KALRN: variants seen among roughly 807,000 people sequenced by gnomAD.
The protein encoded by KALRN is kalirin RhoGEF kinase.
KALRN carries 70 observed loss-of-function variants against 353.7 expected under a neutral mutation model. That is an observed-to-expected ratio of 0.20 (90% CI 0.16 to 0.24). KALRN has a LOEUF of 0.24. KALRN is among the 10% of genes least tolerant of loss of function. The pLI, the probability that KALRN is intolerant of heterozygous loss-of-function variation, is 1.00. For missense variants in KALRN, 2,791 were observed against 3,756.7 expected (o/e 0.74, Z 6.72); for synonymous variants, 1,391 against 1,434.8 (o/e 0.97, Z 0.69).
At chr3:124,332,829 G>A (rs2080732171) in intron 8 of KALRN, among the ~76,000 whole-genome samples, 1 of 152,110 alleles carries the variant, frequency 6.6e-6, no homozygotes, top group African/African-American at 2.4e-5. Context: ...CGAGAGCAAA[G>A]TATTTTAAAA....
chr3:124,091,142 G>A (rs75281265), intron 1 of KALRN, among the ~76,000 whole-genome samples: 3,203 of 152,320 alleles, frequency 0.021, 109 homozygotes, highest in African/African-American at 0.071. Flanking sequence ...TGGTGTGGGA[G>A]GTGACTGAGG....
At position 124,289,232 on chromosome 3, in the gene KALRN, C is replaced by T. The variant is rs182494488; in HGVS notation, c.970-9559C>T. On this transcript the variant is annotated intron_variant, in intron 5 of 59. Coordinates refer to ENST00000682506, the MANE Select transcript of KALRN (RefSeq NM_001388419.1). ...CTAATCCTAATTACCTCCCAAAGGC[C>T]TCCCCTCTAAATGCCATCAACATAT... Among the ~76,000 whole-genome samples, 4 of 152,244 alleles carry T rather than the reference C, an allele frequency of 2.6e-5. No homozygotes were observed. In the East Asian group the frequency reaches 7.7e-4, roughly 29 times the overall value.
At chr3:124,171,125 C>G (rs904122096) in intron 1 of KALRN, among the ~76,000 whole-genome samples, 3 of 152,064 alleles carry the variant, frequency 2.0e-5, no homozygotes, top group Non-Finnish European at 2.9e-5. Context: ...CCCATTTCTA[C>G]ATTCTTTATG....
chr3:124,517,429 G>A (rs1005276861), intron 33 of KALRN, among the ~76,000 whole-genome samples: 2 of 152,146 alleles, frequency 1.3e-5, no homozygotes, highest in African/African-American at 4.8e-5. Context: ...TTCACATCAT[G>A]GAGCTGAGCC....
At chr3:124,368,910 C>T (rs145544484) in intron 10 of KALRN, among the ~76,000 whole-genome samples, 5,018 of 152,138 alleles carry the variant, frequency 0.033, 214 homozygotes, top group African/African-American at 0.1. Flanking sequence ...ACCAGTCAGG[C>T]GTGGTGGCGC....
At chr3:124,593,828 T>C (rs1325238575) in intron 34 of KALRN, among the ~76,000 whole-genome samples, 1 of 152,234 alleles carries the variant, frequency 6.6e-6, no homozygotes, top group African/African-American at 2.4e-5. Flanking sequence ...AAGATTACTT[T>C]GCTTTTATTT....
chr3:124,299,001 C>G (rs1209934391), intron 6 of KALRN, 88 bp downstream of exon 6: 37 of 1,525,352 alleles, frequency 2.4e-5, no homozygotes, highest in Non-Finnish European at 3.2e-5. Flanking sequence ...ACTTTCCACC[C>G]GAGGAAGAAC....
Position 124,329,982 on chromosome 3 carries a change from C to G in KALRN, c.1406C>G (p.Ala469Gly). Residue 469 changes from alanine (A) to glycine (G), a missense_variant, in exon 8 of 60, where the codon GCC becomes GGC. Transcript: ENST00000682506. Reference sequence around the variant, plus strand: ...ACCTTGTATGAGCAGGTGACCCAAGCCTACACAGAGGTGAGAATGGAGCAG... The same window carrying G: ...ACCTTGTATGAGCAGGTGACCCAAGGCTACACAGAGGTGAGAATGGAGCAG... ...HQTLYEQVTQAYTEVSQDGKA... is the reference protein window; with the variant it reads ...HQTLYEQVTQGYTEVSQDGKA... 1 of 1,613,430 alleles carries G rather than the reference C, an allele frequency of 6.2e-7. No individual in the cohort carries two copies. The highest frequency in any genetic ancestry group is 8.5e-7 in the Non-Finnish European group (1 of 1,179,708).
At chr3:124,625,845 C>T (rs1485058853) in intron 34 of KALRN, among the ~76,000 whole-genome samples, 1 of 152,164 alleles carries the variant, frequency 6.6e-6, no homozygotes, top group Non-Finnish European at 1.5e-5. Context: ...CTTTGGGAGG[C>T]TGAGGTGGCC....
intron 1 of KALRN, among the ~76,000 whole-genome samples, chr3:124,108,134 A>C (rs1240499405): frequency 6.6e-6 from 1 of 152,160 alleles, no homozygotes; most frequent in Non-Finnish European, 1.5e-5. Context: ...TCCACTTAGC[A>C]CAAGGAACAA....
chr3:124,646,338 T>C (rs1708310), intron 37 of KALRN, among the ~76,000 whole-genome samples: 34,028 of 149,500 alleles, frequency 0.23, 4,203 homozygotes, highest in East Asian at 0.46. Flanking sequence ...CATTTCCTCT[T>C]AGATTTTAGT....
At chr3:124,598,034 C>T (rs115127416) in intron 34 of KALRN, among the ~76,000 whole-genome samples, 1,548 of 152,232 alleles carry the variant, frequency 0.01, 31 homozygotes, top group African/African-American at 0.035. Flanking sequence ...TCTGGAGGGC[C>T]AAGGACCCCA....
chr3:124,722,722 AAG>A lies in KALRN; in HGVS notation c.*3257_*3258del, dbSNP rs2063374762. ...AGAGATTTATTACTTGGTAGTAAAG[AAG>A]AGAGGAGAGAAGAGAAAATGGTCCA... On this transcript the variant is annotated 3_prime_UTR_variant, in exon 60 of 60. Transcript: ENST00000682506. 1 of 152,228 alleles carries A rather than the reference AAG, an allele frequency of 6.6e-6. No individual in the cohort carries two copies. Among genetic ancestry groups the A allele is most frequent in the African/African-American group, 2.4e-5 (1 of 41,460 alleles). 9.4% of individuals were successfully genotyped at this position (152,228 alleles called of 1,614,324 possible).
chr3:124,463,792 C>T (rs1028267265), intron 25 of KALRN, among the ~76,000 whole-genome samples: 1 of 152,090 alleles, frequency 6.6e-6, no homozygotes, highest in Non-Finnish European at 1.5e-5. Flanking sequence ...TCTCTCTTCA[C>T]CTCCTGGTTA....
chr3:124,605,029 G>C (rs1243458723), intron 34 of KALRN, among the ~76,000 whole-genome samples: 1 of 152,026 alleles, frequency 6.6e-6, no homozygotes, highest in Non-Finnish European at 1.5e-5. Flanking sequence ...CAGGCATGCT[G>C]GTGTGCACCT....
intron 34 of KALRN, among the ~76,000 whole-genome samples, chr3:124,587,646 A>G (rs1186211482): frequency 6.7e-6 from 1 of 150,336 alleles, no homozygotes; most frequent in Non-Finnish European, 1.5e-5. Flanking sequence ...TTTGATTTGG[A>G]AGAGTATGGA....
In KALRN at chr3:124,720,546, G is replaced by T. The variant is rs1313655362; in HGVS notation, c.*1076G>T. On this transcript the variant is annotated 3_prime_UTR_variant, in exon 60 of 60. Coordinates refer to ENST00000682506, the MANE Select transcript of KALRN (RefSeq NM_001388419.1). The stretch of plus-strand genomic sequence containing the variant: ...GCTAAGGGGTGCTTACTAAAAGGAG[G>T]CAGCCATATAGGCCTTTTAAAGGCC... The T allele has an allele frequency of 5.5e-4, 84 of 152,566 alleles. No individual in the cohort carries two copies. Among genetic ancestry groups the T allele is most frequent in the Non-Finnish European group, 1.8e-4 (12 of 68,014 alleles). 9.5% of individuals were successfully genotyped at this position (152,566 alleles called of 1,614,324 possible). A position where few individuals can be genotyped will look rare whatever the true frequency, so the allele number is the denominator to read the frequency against.
chr3:124,564,795 G>T (rs764823712), intron 34 of KALRN, among the ~76,000 whole-genome samples: 6 of 152,334 alleles, frequency 3.9e-5, no homozygotes, highest in South Asian at 2.1e-4. Flanking sequence ...CTTCCAGGTG[G>T]CTCTGATGCA....
At chr3:124,357,362 A>C (rs2083535446) in intron 10 of KALRN, among the ~76,000 whole-genome samples, 1 of 152,214 alleles carries the variant, frequency 6.6e-6, no homozygotes, top group Non-Finnish European at 1.5e-5. Flanking sequence ...CAATCTCATC[A>C]TCATGATCTC....
Sources: gnomAD v4.1 joint callset for allele counts (sites outside exome capture counted in the v4.1 genomes callset) on GRCh38, gnomAD v4.1.1 for gene constraint, MANE v1.5 for transcripts, NCBI Gene and HGNC (gene_info 2026-07-23, HGNC 2026-07-21) for gene names.